The following PIGM variants were observed in gnomAD, a reference collection of about 807,000 sequenced individuals.
PIGM encodes phosphatidylinositol glycan anchor biosynthesis class M.
PIGM carries 7 observed loss-of-function variants against 14.6 expected under a neutral mutation model. The ratio of observed to expected loss-of-function variants is 0.48; its 90% CI spans 0.27 to 0.90. The LOEUF (loss-of-function observed/expected upper bound fraction) is 0.90. Among genes scored for constraint, PIGM ranks in the 40% least tolerant of loss-of-function variants. PIGM has a pLI of 0.12. For missense variants in PIGM, 506 were observed against 516.2 expected (o/e 0.98, Z 0.19); for synonymous variants, 216 against 215.9 (o/e 1.00, Z 0.00).
Position 160,031,401 on chromosome 1 carries a change from C to CA in PIGM, c.338dup (p.Leu114AlafsTer21). 1 of 1,607,894 alleles carries CA rather than the reference C, an allele frequency of 6.2e-7. No individual in the cohort carries two copies. The highest frequency in any genetic ancestry group is 8.5e-7 in the Non-Finnish European group (1 of 1,175,206). On this transcript the variant is annotated frameshift_variant, in exon 1 of 1. Transcript: ENST00000368090. LOFTEE classifies it low-confidence loss of function (END_TRUNC). ...GGCGCCCCAGCCCCTTCAGCAGCAGCAGGCGGTATAAGAGGAAAGCGGTGA... is the reference window on the plus strand; with the variant it reads ...GGCGCCCCAGCCCCTTCAGCAGCAGCAAGGCGGTATAAGAGGAAAGCGGTGA...
rs562957111 is a variant in PIGM at position 160,027,498 on chromosome 1, C to T, written c.*2970G>A. On this transcript the variant is annotated 3_prime_UTR_variant, in exon 1 of 1. Coordinates refer to ENST00000368090, the MANE Select transcript of PIGM (RefSeq NM_145167.3). Reference sequence around the variant, plus strand: ...ATATTTAGGAACCACATTCTAAAGACGTTACAAAGGCAATTACAGAAGAAA... The same window carrying T: ...ATATTTAGGAACCACATTCTAAAGATGTTACAAAGGCAATTACAGAAGAAA... 8.5e-5 allele frequency: 13 copies of T among 152,260 alleles called. No homozygotes were observed. The highest frequency in any genetic ancestry group is 1.7e-4 in the African/African-American group (7 of 41,574). The allele number at this position is 152,260 out of a possible 1,614,324, so 9.4% of individuals were successfully genotyped here.
chr1:160,030,327 A>T lies in PIGM; in HGVS notation c.*141T>A. On this transcript the variant is annotated 3_prime_UTR_variant, in exon 1 of 1. Transcript: ENST00000368090. ...TGTGTCCCTTTTATATATAAGGCAAACATTGCTTTTAAGTTCTGTTGGAAC... is the reference window on the plus strand; with the variant it reads ...TGTGTCCCTTTTATATATAAGGCAATCATTGCTTTTAAGTTCTGTTGGAAC... 1.1e-6 allele frequency: 1 copy of T among 895,440 alleles called. No homozygotes were observed. Among genetic ancestry groups the T allele is most frequent in the Non-Finnish European group, 1.8e-6 (1 of 551,660 alleles). The allele number at this position is 895,440 out of a possible 1,614,324, so 55.5% of individuals were successfully genotyped here.
rs1648207208 is a variant in PIGM, at chr1:160,027,390, G to A, written c.*3078C>T. The A allele has an allele frequency of 1.3e-5, 2 of 152,154 alleles. No homozygotes were observed. The highest frequency in any genetic ancestry group is 2.9e-5 in the Non-Finnish European group (2 of 68,024). The allele number at this position is 152,154 out of a possible 1,614,324, so 9.4% of individuals were successfully genotyped here. A position where few individuals can be genotyped will look rare whatever the true frequency, so the allele number is the denominator to read the frequency against. ...CAGTAACTAAAATCAGTGGTTTTAGGAATTCTTTTGCCAGGAAGGAACAAA... is the reference window on the plus strand; with the variant it reads ...CAGTAACTAAAATCAGTGGTTTTAGAAATTCTTTTGCCAGGAAGGAACAAA... On this transcript the variant is annotated 3_prime_UTR_variant, in exon 1 of 1. Coordinates refer to ENST00000368090, the MANE Select transcript of PIGM (RefSeq NM_145167.3).
Position 160,025,382 on chromosome 1 carries a change from A to G in PIGM, c.*5086T>C, listed in dbSNP as rs1294799140. Reference sequence around the variant, plus strand: ...GCATGAATGCACACTGCAGAGCAACAGCAATTGAACAATGATCATTTGCCT... The same window carrying G: ...GCATGAATGCACACTGCAGAGCAACGGCAATTGAACAATGATCATTTGCCT... On this transcript the variant is annotated 3_prime_UTR_variant, in exon 1 of 1. Transcript: ENST00000368090. The G allele has an allele frequency of 6.6e-6, 1 of 152,268 alleles. No individual in the cohort carries two copies. The highest frequency in any genetic ancestry group is 1.5e-5 in the Non-Finnish European group (1 of 68,048). The allele number at this position is 152,268 out of a possible 1,614,324, so 9.4% of individuals were successfully genotyped here.
rs778354381 is a variant in PIGM, at chr1:160,031,032, G to A, written c.708C>T (p.Leu236=). Residue 236 remains leucine, a synonymous_variant, in exon 1 of 1, where the codon CTC becomes CTT. Transcript: ENST00000368090. The stretch of plus-strand genomic sequence containing the variant: ...AACCAAAGCTCAGGGCAAAAAACGT[G>A]AGTCCAGCAACTGCTACAAACAGCA... ...AVLLFVAVAG[L]TFFALSFGFY... is the part of the protein sequence containing the mutation. The A allele has an allele frequency of 6.2e-7, 1 of 1,614,156 alleles. No individual in the cohort carries two copies. The highest frequency in any genetic ancestry group is 8.5e-7 in the Non-Finnish European group (1 of 1,180,030).
At position 160,031,064 on chromosome 1, in the gene PIGM, C is replaced by A. The variant is rs1163274966; in HGVS notation, c.676G>T (p.Ala226Ser). 7 of 1,614,054 alleles carry A rather than the reference C, an allele frequency of 4.3e-6. No individual in the cohort carries two copies. The African/African-American group carries it at 8.0e-5, about 18-fold the overall frequency. Residue 226 changes from alanine (A) to serine (S), a missense_variant, in exon 1 of 1, where the codon GCT becomes TCT. Ala to Ser is a moderately conservative substitution (Grantham distance 99). Transcript: ENST00000368090. ...YELLKRLCNR[A>S]VLLFVAVAGL... ...GCAACTGCTACAAACAGCAGCACAG[C>A]CCGATTACACAGCCTTTTCAGGAGC...
rs369797111 is a variant in PIGM, at chr1:160,031,407, G to A, written c.333C>T (p.Tyr111=). The A allele has an allele frequency of 6.2e-7, 1 of 1,610,158 alleles. No homozygotes were observed. The highest frequency in any genetic ancestry group is 8.5e-7 in the Non-Finnish European group (1 of 1,176,796). The stretch of plus-strand genomic sequence containing the variant: ...CCAGCCCCTTCAGCAGCAGCAGGCG[G>A]TATAAGAGGAAAGCGGTGAGGAGGT... ...SCDLLTAFLL[Y]RLLLLKGLGR... Residue 111 remains tyrosine, a synonymous_variant, in exon 1 of 1, where the codon TAC becomes TAT. Coordinates refer to ENST00000368090, the MANE Select transcript of PIGM (RefSeq NM_145167.3).
chr1:160,031,190 C>G lies in PIGM; in HGVS notation c.550G>C (p.Val184Leu), dbSNP rs1415302087. 1 of 1,614,150 alleles carries G rather than the reference C, an allele frequency of 6.2e-7. No homozygotes were observed. The highest frequency in any genetic ancestry group is 1.7e-5 in the Admixed American group (1 of 60,024). ...AGGGTTATGGGAAGGATGTAAGTCA[C>G]TGGATATATCTTCATATGCACCGCG... ...GFAVHMKIYP[V>L]TYILPITLHL... is the part of the protein sequence containing the mutation. The change falls in exon 1 of 1, where the codon GTG (valine) becomes CTG (leucine). Residue 184 changes from valine to leucine, a missense_variant. Transcript: ENST00000368090.
rs1571258187 is a variant in PIGM at position 160,026,804 on chromosome 1, T to A, written c.*3664A>T. On this transcript the variant is annotated 3_prime_UTR_variant, in exon 1 of 1. Transcript: ENST00000368090. ...TTATACTACTGCACTCCAGCCTGGGTGACAAAGCAACATCTTGTCTCAGAA... is the reference window on the plus strand; with the variant it reads ...TTATACTACTGCACTCCAGCCTGGGAGACAAAGCAACATCTTGTCTCAGAA... 6.6e-6 allele frequency: 1 copy of A among 151,440 alleles called. No individual in the cohort carries two copies. The highest frequency in any genetic ancestry group is 2.4e-5 in the African/African-American group (1 of 41,188). 9.4% of individuals were successfully genotyped at this position (151,440 alleles called of 1,614,324 possible). A position where few individuals can be genotyped will look rare whatever the true frequency, so the allele number is the denominator to read the frequency against.
At position 160,030,429 on chromosome 1, in the gene PIGM, T is replaced by C. The variant is rs761519623; in HGVS notation, c.*39A>G. 6.4e-7 allele frequency: 1 copy of C among 1,571,108 alleles called. No homozygotes were observed. The highest frequency in any genetic ancestry group is 8.8e-7 in the Non-Finnish European group (1 of 1,141,728). On this transcript the variant is annotated 3_prime_UTR_variant, in exon 1 of 1. Transcript: ENST00000368090. ...CTCTCTTCTGGTCCATACAAGACAATCAGAATGTAACACAGTAGCAGAGGG... is the reference window on the plus strand; with the variant it reads ...CTCTCTTCTGGTCCATACAAGACAACCAGAATGTAACACAGTAGCAGAGGG...
At position 160,031,437 on chromosome 1, in the gene PIGM, G is replaced by A. The variant is rs1193547806; in HGVS notation, c.303C>T (p.Ser101=). The A allele has an allele frequency of 1.2e-6, 2 of 1,611,586 alleles. No homozygotes were observed. Among genetic ancestry groups the A allele is most frequent in the East Asian group, 2.2e-5 (1 of 44,782 alleles). Residue 101 remains serine, a synonymous_variant, in exon 1 of 1, where the codon AGC becomes AGT. Coordinates refer to ENST00000368090, the MANE Select transcript of PIGM (RefSeq NM_145167.3). ...AGAGGAAAGCGGTGAGGAGGTCGCAGCTGATGAAGAGAAACTTTCCAAAGA... is the reference window on the plus strand; with the variant it reads ...AGAGGAAAGCGGTGAGGAGGTCGCAACTGATGAAGAGAAACTTTCCAAAGA... The part of the protein sequence containing the change: ...SELFGKFLFI[S]CDLLTAFLLY...
Position 160,031,457 on chromosome 1 carries a change from C to T in PIGM, c.283G>A (p.Gly95Arg), listed in dbSNP as rs752146375. Residue 95 changes from glycine to arginine, a missense_variant, in exon 1 of 1, where the codon GGA (glycine) becomes AGA (arginine). Physicochemically the swap from Gly to Arg is moderately radical, Grantham distance 125. Transcript: ENST00000368090. ...TPNIYLSELF[G>R]KFLFISCDLL... is the part of the protein sequence containing the mutation. Reference sequence around the variant, plus strand: ...TCGCAGCTGATGAAGAGAAACTTTCCAAAGAGCTCGCTGAGGTAGATGTTG... The same window carrying T: ...TCGCAGCTGATGAAGAGAAACTTTCTAAAGAGCTCGCTGAGGTAGATGTTG... 1.2e-6 allele frequency: 2 copies of T among 1,612,590 alleles called. No individual in the cohort carries two copies. The highest frequency in any genetic ancestry group is 2.2e-5 in the South Asian group (2 of 91,068).
At position 160,030,244 on chromosome 1, in the gene PIGM, CCCA is replaced by C; in HGVS notation, c.*221_*223del. On this transcript the variant is annotated 3_prime_UTR_variant, in exon 1 of 1. Coordinates refer to ENST00000368090, the MANE Select transcript of PIGM (RefSeq NM_145167.3). The stretch of plus-strand genomic sequence containing the variant: ...CATTTTCCAATATGTGACCTTTATT[CCCA>C]CCATGTCCCAAATAAACGAGTCCTA... The C allele has an allele frequency of 2.0e-6, 1 of 499,272 alleles. No homozygotes were observed. Among genetic ancestry groups the C allele is most frequent in the Non-Finnish European group, 3.6e-6 (1 of 274,660 alleles). 30.9% of individuals were successfully genotyped at this position (499,272 alleles called of 1,614,324 possible). A position where few individuals can be genotyped will look rare whatever the true frequency, so the allele number is the denominator to read the frequency against.
In PIGM at chr1:160,030,388, A is replaced by T; in HGVS notation, c.*80T>A. ...TCACTAGAATGCTTAGAATGTTCAG[A>T]AAAAATGTCCCAAAGCTCTCTTCTG... is the stretch of plus-strand genomic sequence containing the variant. On this transcript the variant is annotated 3_prime_UTR_variant, in exon 1 of 1. Transcript: ENST00000368090. 6.9e-7 allele frequency: 1 copy of T among 1,439,838 alleles called. No individual in the cohort carries two copies. Among genetic ancestry groups the T allele is most frequent in the East Asian group, 2.3e-5 (1 of 43,898 alleles). The allele number at this position is 1,439,838 out of a possible 1,614,324, so 89.2% of individuals were successfully genotyped here. A position where few individuals can be genotyped will look rare whatever the true frequency, so the allele number is the denominator to read the frequency against.
rs776354051 is a variant in PIGM at position 160,031,245 on chromosome 1, G to A, written c.495C>T (p.Leu165=). The A allele has an allele frequency of 5.6e-6, 9 of 1,614,050 alleles. No individual in the cohort carries two copies. Among genetic ancestry groups the A allele is most frequent in the East Asian group, 4.5e-5 (2 of 44,900 alleles). Residue 165 remains leucine, a synonymous_variant, in exon 1 of 1, where the codon CTC becomes CTT. Coordinates refer to ENST00000368090, the MANE Select transcript of PIGM (RefSeq NM_145167.3). Reference sequence around the variant, plus strand: ...CATAGAATACAGCTGCACACGCGACGAGTCTTTTCTTTATCAAGTAGAGGA... The same window carrying A: ...CATAGAATACAGCTGCACACGCGACAAGTCTTTTCTTTATCAAGTAGAGGA... ...LMVLYLIKKR[L]VACAAVFYGF...
Position 160,031,335 on chromosome 1 carries a change from G to T in PIGM, c.405C>A (p.Pro135=). The change falls in exon 1 of 1, where the codon CCC becomes CCA. Residue 135 remains proline, a synonymous_variant. Coordinates refer to ENST00000368090, the MANE Select transcript of PIGM (RefSeq NM_145167.3). ...CGYCVFWLLN[P]LPMAVSSRGN... The stretch of plus-strand genomic sequence containing the variant: ...CGCGGCTGGATACTGCCATAGGCAG[G>T]GGGTTAAGAAGCCAAAAGACACAGT... The T allele has an allele frequency of 6.2e-7, 1 of 1,611,266 alleles. No homozygotes were observed. The highest frequency in any genetic ancestry group is 1.1e-5 in the South Asian group (1 of 90,890).
chr1:160,031,451 A>G lies in PIGM; in HGVS notation c.289T>C (p.Phe97Leu). 3.7e-6 allele frequency: 6 copies of G among 1,612,160 alleles called. No individual in the cohort carries two copies. The highest frequency in any genetic ancestry group is 5.1e-6 in the Non-Finnish European group (6 of 1,178,304). Residue 97 changes from phenylalanine to leucine, a missense_variant, in exon 1 of 1, where the codon TTT becomes CTT. Coordinates refer to ENST00000368090, the MANE Select transcript of PIGM (RefSeq NM_145167.3). ...NIYLSELFGKFLFISCDLLTA... is the reference protein window; with the variant it reads ...NIYLSELFGKLLFISCDLLTA... The stretch of plus-strand genomic sequence containing the variant: ...AGGAGGTCGCAGCTGATGAAGAGAA[A>G]CTTTCCAAAGAGCTCGCTGAGGTAG...
At position 160,031,946 on chromosome 1, in the gene PIGM, C is replaced by G. The variant is rs1026675802; in HGVS notation, c.-207G>C. ...AGCCCCGCGCGGTCTTCTCAGCCGC[C>G]CGAGCCAAAAACTTGCCTTCCTCTG... On this transcript the variant is annotated 5_prime_UTR_variant, in exon 1 of 1. Transcript: ENST00000368090. The G allele has an allele frequency of 3.6e-5, 25 of 691,070 alleles. No homozygotes were observed. 42.8% of individuals were successfully genotyped at this position (691,070 alleles called of 1,614,324 possible). A position where few individuals can be genotyped will look rare whatever the true frequency, so the allele number is the denominator to read the frequency against.
At position 160,028,635 on chromosome 1, in the gene PIGM, T is replaced by C. The variant is rs1171069675; in HGVS notation, c.*1833A>G. On this transcript the variant is annotated 3_prime_UTR_variant, in exon 1 of 1. Coordinates refer to ENST00000368090, the MANE Select transcript of PIGM (RefSeq NM_145167.3). Reference sequence around the variant, plus strand: ...CCTGAACTGACATGAAATATAATACTGTGGAACTTTTTTTGTCTTTTTGTG... The same window carrying C: ...CCTGAACTGACATGAAATATAATACCGTGGAACTTTTTTTGTCTTTTTGTG... 6.6e-6 allele frequency: 1 copy of C among 152,212 alleles called. No homozygotes were observed. Among genetic ancestry groups the C allele is most frequent in the Non-Finnish European group, 1.5e-5 (1 of 68,032 alleles). 9.4% of individuals were successfully genotyped at this position (152,212 alleles called of 1,614,324 possible).
Sources: gnomAD v4.1 joint callset for allele counts on GRCh38, gnomAD v4.1.1 for gene constraint, MANE v1.5 for transcripts, NCBI Gene and HGNC (gene_info 2026-07-23, HGNC 2026-07-21) for gene names.